Variants in MMP27 observed in about 807,000 individuals in gnomAD.
MMP27 encodes matrix metallopeptidase 27.
A neutral mutation model predicts 48.1 loss-of-function variants in MMP27; 51 were observed. The ratio of observed to expected loss-of-function variants is 1.06; its 90% CI spans 0.85 to 1.34. The LOEUF (loss-of-function observed/expected upper bound fraction) is 1.34. MMP27 is among the 40% of genes most tolerant of loss of function. The probability of loss-of-function intolerance (pLI) is 0.00; values close to 1 mark genes in which losing one functional copy is unlikely to be tolerated. For missense variants in MMP27, 698 were observed against 619.3 expected (o/e 1.13, Z -1.35); for synonymous variants, 229 against 208.9 (o/e 1.10, Z -0.83).
At chr11:102,702,713 A>G in intron 4 of MMP27, 40 bp downstream of exon 4, 1 of 1,562,380 alleles carries the variant, frequency 6.4e-7, no homozygotes, top group Non-Finnish European at 8.6e-7. Context: ...GGGATTCTTT[A>G]GAATAATAAG....
rs955733878 is a variant in MMP27, at chr11:102,691,611, C to T, written c.*155G>A. 8.8e-4 allele frequency: 532 copies of T among 606,552 alleles called. 3 individuals are homozygous for T. The highest frequency in any genetic ancestry group is 1.4e-4 in the Non-Finnish European group (52 of 372,956). 37.6% of individuals were successfully genotyped at this position (606,552 alleles called of 1,614,324 possible). A position where few individuals can be genotyped will look rare whatever the true frequency, so the allele number is the denominator to read the frequency against. On this transcript the variant is annotated 3_prime_UTR_variant, in exon 10 of 10. Transcript: ENST00000260229. ...AGAGATTTTTGTTTCTACATAATAACTTCCTATTAAAAGAATCAGGCAGCT... is the reference window on the plus strand; with the variant it reads ...AGAGATTTTTGTTTCTACATAATAATTTCCTATTAAAAGAATCAGGCAGCT...
At chr11:102,698,720 A>T (rs2134269368) in intron 4 of MMP27, among the ~76,000 whole-genome samples, 1 of 152,192 alleles carries the variant, frequency 6.6e-6, no homozygotes, top group East Asian at 1.9e-4. Context: ...TCTAATCTCT[A>T]TGTCTTCATA....
Position 102,696,361 on chromosome 11 carries a change from A to G in MMP27, c.902+10T>C. Reference sequence around the variant, plus strand: ...ATAGGAAGTTGAGGTGTTTAGAGAAATGAGTTTACCTGCCTTTAAAGAACA... The same window carrying G: ...ATAGGAAGTTGAGGTGTTTAGAGAAGTGAGTTTACCTGCCTTTAAAGAACA... On this transcript the variant is annotated intron_variant, in intron 6 of 9. Coordinates refer to ENST00000260229, the MANE Select transcript of MMP27 (RefSeq NM_022122.3). 2 of 1,613,254 alleles carry G rather than the reference A, an allele frequency of 1.2e-6. No homozygotes were observed. The highest frequency in any genetic ancestry group is 2.2e-5 in the East Asian group (1 of 44,834).
intron 1 of MMP27, 62 bp from the exon 2 acceptor site, chr11:102,704,837 C>T: frequency 1.7e-6 from 2 of 1,171,598 alleles, no homozygotes; most frequent in Non-Finnish European, 2.4e-6. Flanking sequence ...AAATCTCCAT[C>T]TCAGGATAAA....
At chr11:102,705,382 T>C (rs1861027264) in intron 1 of MMP27, among the ~76,000 whole-genome samples, 1 of 152,184 alleles carries the variant, frequency 6.6e-6, no homozygotes, top group Non-Finnish European at 1.5e-5. Context: ...CATCCCTTCA[T>C]TTGTGACCAT....
At chr11:102,694,589 G>T (rs1555089678) in intron 7 of MMP27, among the ~76,000 whole-genome samples, 1 of 151,288 alleles carries the variant, frequency 6.6e-6, no homozygotes, top group Non-Finnish European at 1.5e-5. Context: ...TATTTTAAGG[G>T]ATATATATAT....
chr11:102,702,096 C>T (rs537565080), intron 4 of MMP27, among the ~76,000 whole-genome samples: 4 of 152,262 alleles, frequency 2.6e-5, no homozygotes, highest in East Asian at 1.9e-4. Context: ...ATATTTTTGT[C>T]AGAACAGTAG....
At chr11:102,697,654 A>C (rs951848440) in intron 4 of MMP27, among the ~76,000 whole-genome samples, 2 of 151,866 alleles carry the variant, frequency 1.3e-5, no homozygotes, top group Non-Finnish European at 2.9e-5. Context: ...GGTGCATGCC[A>C]CCATGTCCAG....
At chr11:102,695,128 C>T in intron 6 of MMP27, 31 bp from the exon 7 acceptor site, 1 of 1,598,222 alleles carries the variant, frequency 6.3e-7, no homozygotes, top group South Asian at 1.1e-5. Context: ...TTTACACATG[C>T]AGCCTATTTC....
Position 102,693,989 on chromosome 11 carries a change from T to G in MMP27, c.1110A>C (p.Pro370=). ...YPKSIHTLGF[P]GRVKKIDAAV... is the part of the protein sequence containing the mutation. ...CTGCATCTATTTTCTTCACACGTCC[T>G]GGAAAACCTAATGTATGGATGGATT... Residue 370 remains proline, a synonymous_variant, in exon 8 of 10, where the codon CCA becomes CCC. Coordinates refer to ENST00000260229, the MANE Select transcript of MMP27 (RefSeq NM_022122.3). 2 of 1,611,098 alleles carry G rather than the reference T, an allele frequency of 1.2e-6. No individual in the cohort carries two copies. Among genetic ancestry groups the G allele is most frequent in the Non-Finnish European group, 1.7e-6 (2 of 1,178,452 alleles).
intron 4 of MMP27, among the ~76,000 whole-genome samples, chr11:102,701,994 G>T (rs1031890442): frequency 1.3e-5 from 2 of 152,174 alleles, no homozygotes; most frequent in African/African-American, 4.8e-5. Context: ...TATTGCCAAT[G>T]ACAGAACAAA....
chr11:102,694,076 A>G lies in MMP27; in HGVS notation c.1034-11T>C, dbSNP rs1201810648. The stretch of plus-strand genomic sequence containing the variant: ...TCCAGAAGTTTTCATCTAGGAAGAG[A>G]GGAGTGATTATTTATTTTCTAGAGG... On this transcript the variant is annotated splice_polypyrimidine_tract_variant and intron_variant, in intron 7 of 9. Transcript: ENST00000260229. The G allele has an allele frequency of 2.0e-6, 3 of 1,532,792 alleles. No individual in the cohort carries two copies. Among genetic ancestry groups the G allele is most frequent in the Non-Finnish European group, 2.6e-6 (3 of 1,143,104 alleles). The allele number at this position is 1,532,792 out of a possible 1,614,324, so 94.9% of individuals were successfully genotyped here.
intron 4 of MMP27, among the ~76,000 whole-genome samples, chr11:102,698,959 C>T (rs1174135018): frequency 1.3e-5 from 2 of 152,188 alleles, no homozygotes; most frequent in African/African-American, 4.8e-5. Context: ...ACCCTGAGTA[C>T]AGGAACCATG....
chr11:102,695,966 A>G (rs1317131848), intron 6 of MMP27, among the ~76,000 whole-genome samples: 1 of 152,186 alleles, frequency 6.6e-6, no homozygotes, highest in East Asian at 1.9e-4. Flanking sequence ...TGATTTTCAG[A>G]TGTAAATACT....
chr11:102,701,941 C>G (rs764895886), intron 4 of MMP27, among the ~76,000 whole-genome samples: 1 of 152,218 alleles, frequency 6.6e-6, no homozygotes, highest in Non-Finnish European at 1.5e-5. Flanking sequence ...ACAACCTGTG[C>G]TTTCCTGTGA....
chr11:102,695,861 A>G (rs1332560627), intron 6 of MMP27, among the ~76,000 whole-genome samples: 1 of 152,236 alleles, frequency 6.6e-6, no homozygotes, highest in Non-Finnish European at 1.5e-5. Flanking sequence ...CTAACACTTT[A>G]TTGATGCAAC....
chr11:102,692,732 A>G (rs1860748187), intron 9 of MMP27, among the ~76,000 whole-genome samples: 1 of 152,180 alleles, frequency 6.6e-6, no homozygotes, highest in Non-Finnish European at 1.5e-5. Context: ...CTTTTTACAT[A>G]GATTTGAGAT....
At position 102,704,895 on chromosome 11, in the gene MMP27, A is replaced by G. The variant is rs1191707591; in HGVS notation, c.103-120T>C. 1.4e-5 allele frequency: 9 copies of G among 624,232 alleles called. No homozygotes were observed. The African/African-American group carries it at 1.5e-4, about 10-fold the overall frequency. The allele number at this position is 624,232 out of a possible 1,614,324, so 38.7% of individuals were successfully genotyped here. ...CTGGCAATAGGAAAGGGGAAAAAAA[A>G]GAAGTAATGAGAGAAAGTGAGGAGT... On this transcript the variant is annotated intron_variant, in intron 1 of 9. Coordinates refer to ENST00000260229, the MANE Select transcript of MMP27 (RefSeq NM_022122.3).
intron 8 of MMP27, 69 bp from the exon 9 acceptor site, chr11:102,693,110 A>G: frequency 3.4e-6 from 4 of 1,192,988 alleles, no homozygotes; most frequent in Middle Eastern, 1.9e-4. Flanking sequence ...TCTACCGCAC[A>G]ACTTAGAGTC....
Sources: gnomAD v4.1 joint callset for allele counts (sites outside exome capture counted in the v4.1 genomes callset) on GRCh38, gnomAD v4.1.1 for gene constraint, MANE v1.5 for transcripts, NCBI Gene and HGNC (gene_info 2026-07-23, HGNC 2026-07-21) for gene names.